The following ZNF638 variants were observed in gnomAD, a reference collection of about 807,000 sequenced individuals.
ZNF638 encodes the protein zinc finger protein 638.
Under a neutral mutation model 195.6 loss-of-function variants are expected in ZNF638, and 46 were observed. That is an observed-to-expected ratio of 0.24 (90% CI 0.19 to 0.30). The LOEUF is 0.30. ZNF638 is among the 10% of genes least tolerant of loss of function. ZNF638 has a pLI of 1.00. For synonymous variants in ZNF638, 845 were observed against 772.0 expected (o/e 1.09, Z -1.57); for missense variants, 2,440 against 2,325.3 (o/e 1.05, Z -1.01).
intron 1 of ZNF638, among the ~76,000 whole-genome samples, chr2:71,344,273 C>G (rs1573021775): frequency 6.6e-6 from 1 of 152,128 alleles, no homozygotes; most frequent in Admixed American, 6.5e-5. Context: ...AGTAGTGTCC[C>G]TTTTTCTGAG....
intron 23 of ZNF638, among the ~76,000 whole-genome samples, chr2:71,425,338 C>CAA (rs1431945523): frequency 6.6e-6 from 1 of 152,060 alleles, no homozygotes; most frequent in Non-Finnish European, 1.5e-5. Flanking sequence ...GCTACTAAAG[C>CAA]AGAAATAAGG....
At chr2:71,419,188 AC>A (rs746349146) in intron 21 of ZNF638, among the ~76,000 whole-genome samples, 1 of 152,184 alleles carries the variant, frequency 6.6e-6, no homozygotes, top group African/African-American at 2.4e-5. Flanking sequence ...TGTTTTGACC[AC>A]GTAAAGTACA....
At chr2:71,382,979 T>TA (rs1228493476) in intron 10 of ZNF638, among the ~76,000 whole-genome samples, 1 of 152,188 alleles carries the variant, frequency 6.6e-6, no homozygotes, top group Non-Finnish European at 1.5e-5. Flanking sequence ...CATGGGCACA[T>TA]AGTATATTTA....
chr2:71,375,066 G>A (rs1375914132), intron 8 of ZNF638: 1 of 152,074 alleles, frequency 6.6e-6, no homozygotes, highest in Admixed American at 6.5e-5. Flanking sequence ...AGCTATTAGA[G>A]AGGATCTTTA....
chr2:71,351,909 A>G (rs2078946903), intron 2 of ZNF638, among the ~76,000 whole-genome samples: 2 of 152,224 alleles, frequency 1.3e-5, no homozygotes, highest in African/African-American at 2.4e-5. Context: ...TCAGGCATGT[A>G]TCACTCAGGC....
rs753942020 is a variant in ZNF638, at chr2:71,365,653, A to G, written c.1942A>G (p.Thr648Ala). 4 of 1,614,004 alleles carry G rather than the reference A, an allele frequency of 2.5e-6. No individual in the cohort carries two copies. The highest frequency in any genetic ancestry group is 3.4e-6 in the Non-Finnish European group (4 of 1,179,972). ...TAAATCAAAGAATCTTGAAGATGAC[A>G]CTTTGTCAGAATGTAAACAGGTGTC... ...RCKSKNLEDD[T>A]LSECKQVSDK... Residue 648 changes from threonine (T) to alanine (A), a missense_variant, in exon 6 of 28, where the codon ACT (threonine) becomes GCT (alanine). By Grantham distance (58) the Thr-to-Ala change is moderately conservative. Coordinates refer to ENST00000264447, the MANE Select transcript of ZNF638 (RefSeq NM_014497.5).
chr2:71,362,280 C>T (rs1176572573), intron 3 of ZNF638, among the ~76,000 whole-genome samples: 2 of 152,054 alleles, frequency 1.3e-5, no homozygotes, highest in Non-Finnish European at 2.9e-5. Context: ...TAAACTTCAT[C>T]TTGTGTTAGT....
intron 1 of ZNF638, among the ~76,000 whole-genome samples, chr2:71,335,345 TTTC>T (rs1321598293): frequency 6.6e-6 from 1 of 152,234 alleles, no homozygotes; most frequent in Non-Finnish European, 1.5e-5. Flanking sequence ...CCCAGCCTGT[TTTC>T]TTCATGGTTA....
In ZNF638 at chr2:71,349,521, A is replaced by G. The variant is rs756242318; in HGVS notation, c.567A>G (p.Leu189=). The G allele has an allele frequency of 1.2e-6, 2 of 1,614,186 alleles. No individual in the cohort carries two copies. The highest frequency in any genetic ancestry group is 1.7e-6 in the Non-Finnish European group (2 of 1,180,016). The part of the protein sequence containing the change: ...MRKMGRRLPN[L]PSQSRNKETL... ...AAATGGGGCGCCGATTACCTAATTTACCTTCTCAGAGCAGAAATAAAGAAA... is the reference window on the plus strand; with the variant it reads ...AAATGGGGCGCCGATTACCTAATTTGCCTTCTCAGAGCAGAAATAAAGAAA... Residue 189 remains leucine (L), a synonymous_variant, in exon 2 of 28, where the codon TTA becomes TTG. Transcript: ENST00000264447.
rs139900748 is a variant in ZNF638, at chr2:71,349,897, A to G, written c.943A>G (p.Ile315Val). 666 of 1,614,216 alleles carry G rather than the reference A, an allele frequency of 4.1e-4. 1 individual carries two copies. The African/African-American group carries it at 8.0e-3, about 19-fold the overall frequency. Residue 315 changes from isoleucine (I) to valine (V), a missense_variant, in exon 2 of 28, where the codon ATT (isoleucine) becomes GTT (valine). By Grantham distance (29) the Ile-to-Val change is conservative. This residue lies in a region of ZNF638 where 305 missense variants were observed against 283.6 expected (regional missense o/e 1.08). Coordinates refer to ENST00000264447, the MANE Select transcript of ZNF638 (RefSeq NM_014497.5). ...LEPIKSVNQS[I>V]NQTVSQTMSQ... is the part of the protein sequence containing the mutation. ...ACCCATAAAATCCGTCAACCAATCC[A>G]TTAACCAAACAGTTAGCCAGACAAT...
At chr2:71,332,042 A>AC (rs1255754137) in intron 1 of ZNF638, among the ~76,000 whole-genome samples, 167 bp downstream of exon 1, 1 of 150,278 alleles carries the variant, frequency 6.7e-6, no homozygotes, top group African/African-American at 2.4e-5. Flanking sequence ...AGGTTGGGGG[A>AC]CCCCCGGGAT....
intron 23 of ZNF638, among the ~76,000 whole-genome samples, chr2:71,424,928 G>GGCGGGGGGA (rs1338005995): frequency 6.6e-6 from 1 of 152,166 alleles, no homozygotes; most frequent in Non-Finnish European, 1.5e-5. Context: ...GTTTTCTTGA[G>GGCGGGGGGA]GCGGGGGGAG....
intron 1 of ZNF638, among the ~76,000 whole-genome samples, chr2:71,335,237 T>TG (rs1209895957): frequency 6.6e-6 from 1 of 152,070 alleles, no homozygotes; most frequent in African/African-American, 2.4e-5. Flanking sequence ...GACAAGGTCT[T>TG]GCTGTATTGC....
At chr2:71,342,506 CTT>C (rs1178153671) in intron 1 of ZNF638, among the ~76,000 whole-genome samples, 2 of 152,178 alleles carry the variant, frequency 1.3e-5, no homozygotes, top group African/African-American at 2.4e-5. Context: ...ACTTTTGCCT[CTT>C]TTTGCCAGTG....
At chr2:71,368,234 G>A (rs376132592) in intron 6 of ZNF638, 148 bp from the exon 7 acceptor site, 4 of 590,592 alleles carry the variant, frequency 6.8e-6, no homozygotes, top group African/African-American at 3.9e-5. Flanking sequence ...AAAGGAGGTG[G>A]TGAAGGAAAA....
At chr2:71,379,144 G>A (rs2079489343) in intron 8 of ZNF638, among the ~76,000 whole-genome samples, 1 of 152,204 alleles carries the variant, frequency 6.6e-6, no homozygotes. Context: ...AAAGGTAGTA[G>A]TAGATTAGAC....
chr2:71,349,013 C>G lies in ZNF638; in HGVS notation c.59C>G (p.Pro20Arg). 6.2e-7 allele frequency: 1 copy of G among 1,614,196 alleles called. No homozygotes were observed. The highest frequency in any genetic ancestry group is 8.5e-7 in the Non-Finnish European group (1 of 1,180,036). Residue 20 changes from proline (P) to arginine (R), a missense_variant, in exon 2 of 28, where the codon CCT (proline) becomes CGT (arginine). Physicochemically the swap from Pro to Arg is moderately radical, Grantham distance 103 (BLOSUM62 -2). Transcript: ENST00000264447. The part of the protein sequence containing the change: ...GDFPLQRPRA[P>R]NPSGMRPPGP... ...TTTCCACTTCAAAGGCCACGAGCAC[C>G]TAACCCTTCTGGGATGAGGCCTCCA...
intron 10 of ZNF638, among the ~76,000 whole-genome samples, chr2:71,391,506 T>C (rs2079776792): frequency 6.6e-6 from 1 of 152,192 alleles, no homozygotes; most frequent in South Asian, 2.1e-4. Context: ...TAGATGATAT[T>C]TTACTAGCAG....
In ZNF638 at chr2:71,405,634, G is replaced by T; in HGVS notation, c.2992G>T (p.Asp998Tyr). 1 of 1,567,194 alleles carries T rather than the reference G, an allele frequency of 6.4e-7. No individual in the cohort carries two copies. The highest frequency in any genetic ancestry group is 1.2e-5 in the South Asian group (1 of 85,396). Residue 998 changes from aspartate to tyrosine, a missense_variant, in exon 18 of 28, where the codon GAC (aspartate) becomes TAC (tyrosine). Asp to Tyr is a radical substitution (Grantham distance 160). This residue lies in a region of ZNF638 where 1,883 missense variants were observed against 1,739.1 expected (regional missense o/e 1.08). Transcript: ENST00000264447. Reference sequence around the variant, plus strand: ...ATTTATAACCTTGGTAAAAGAAAATGACCCAGAGGTAAGTTTTGCATTTAA... The same window carrying T: ...ATTTATAACCTTGGTAAAAGAAAATTACCCAGAGGTAAGTTTTGCATTTAA... ...AIFITLVKEN[D>Y]PEANIDTIYD...
Sources: gnomAD v4.1 joint callset for allele counts (sites outside exome capture counted in the v4.1 genomes callset) on GRCh38, gnomAD v4.1.1 for gene constraint, gnomAD v4.1.1 regional missense constraint, MANE v1.5 for transcripts, NCBI Gene and HGNC (gene_info 2026-07-23, HGNC 2026-07-21) for gene names.